CTSK: variants seen among roughly 807,000 people sequenced by gnomAD.
CTSK encodes cathepsin K.
In CTSK, 26 loss-of-function variants were observed where a neutral mutation model predicts 40.5. The observed-to-expected ratio is 0.64, with a 90% confidence interval of 0.47 to 0.89. The LOEUF (loss-of-function observed/expected upper bound fraction) is 0.89. Ranked by LOEUF, CTSK falls within the 40% of genes least tolerant of loss-of-function variation. CTSK has a pLI of 0.00. For synonymous variants in CTSK, 132 were observed against 143.2 expected (o/e 0.92, Z 0.56); for missense variants, 292 against 400.1 (o/e 0.73, Z 2.30).
intron 4 of CTSK, among the ~76,000 whole-genome samples, chr1:150,804,566 C>G (rs1436967908): frequency 6.6e-6 from 1 of 152,150 alleles, no homozygotes; most frequent in African/African-American, 2.4e-5. Flanking sequence ...TTTCTCTATG[C>G]ATAAAATATT....
chr1:150,800,272 A>G (rs1653965915), intron 5 of CTSK, among the ~76,000 whole-genome samples: 1 of 151,992 alleles, frequency 6.6e-6, no homozygotes, highest in South Asian at 2.1e-4. Flanking sequence ...TTTCTGAAAT[A>G]AGATTTTTTT....
intron 4 of CTSK, among the ~76,000 whole-genome samples, chr1:150,805,024 T>G (rs944656518): frequency 1.3e-5 from 2 of 151,616 alleles, no homozygotes; most frequent in Admixed American, 6.6e-5. Flanking sequence ...CCAGCCTGGG[T>G]AGCATGGCAA....
At chr1:150,803,808 T>C (rs906322843) in intron 5 of CTSK, among the ~76,000 whole-genome samples, 1 of 152,208 alleles carries the variant, frequency 6.6e-6, no homozygotes, top group Admixed American at 6.5e-5. Flanking sequence ...TTTCTCTCCA[T>C]GGCAGAGATG....
intron 2 of CTSK, 53 bp downstream of exon 2, chr1:150,806,633 A>G (rs1020217112): frequency 6.8e-6 from 11 of 1,611,296 alleles, no homozygotes; most frequent in Non-Finnish European, 8.5e-6. Context: ...AGCTAAGATG[A>G]GAGAGCTCAG....
intron 4 of CTSK, among the ~76,000 whole-genome samples, chr1:150,805,229 G>C (rs200183027): frequency 1.5e-5 from 2 of 132,588 alleles, no homozygotes; most frequent in African/African-American, 2.8e-5. Flanking sequence ...AAAAAAATTT[G>C]GGGGGGGGGA....
intron 7 of CTSK, among the ~76,000 whole-genome samples, chr1:150,797,995 G>A (rs1653907828): frequency 6.6e-6 from 1 of 152,208 alleles, no homozygotes; most frequent in African/African-American, 2.4e-5. Flanking sequence ...GCGACCCAGA[G>A]TCTAGGGCTC....
At chr1:150,799,414 T>C (rs2101947857) in intron 6 of CTSK, 130 bp downstream of exon 6, 1 of 1,250,452 alleles carries the variant, frequency 8.0e-7, no homozygotes, top group South Asian at 1.2e-5. Flanking sequence ...ACTGCAGCAG[T>C]TGTTAATTTC....
At chr1:150,802,138 C>T (rs1557825360) in intron 5 of CTSK, among the ~76,000 whole-genome samples, 1 of 151,334 alleles carries the variant, frequency 6.6e-6, no homozygotes, top group Non-Finnish European at 1.5e-5. Context: ...ACTAGCCGGG[C>T]GTGGTTGCGG....
intron 4 of CTSK, among the ~76,000 whole-genome samples, chr1:150,805,089 T>C (rs111905669): frequency 0.36 from 53,866 of 151,360 alleles, 9,948 homozygotes; most frequent in South Asian, 0.54. Context: ...TGGCATGTGC[T>C]TCTAATCCCA....
At chr1:150,801,917 A>C (rs904874323) in intron 5 of CTSK, among the ~76,000 whole-genome samples, 1 of 152,128 alleles carries the variant, frequency 6.6e-6, no homozygotes, top group Non-Finnish European at 1.5e-5. Context: ...AATACATAGT[A>C]TTGTATCCAA....
chr1:150,806,401 CA>C lies in CTSK; in HGVS notation c.121-178del, dbSNP rs1654093796. ...AGATAATATGTAAACAAATACAACA[CA>C]AAGCTCTGGAGAGACAGAAAAATTG... On this transcript the variant is annotated intron_variant, in intron 2 of 7. Coordinates refer to ENST00000271651, the MANE Select transcript of CTSK (RefSeq NM_000396.4). Among the ~76,000 whole-genome samples the C allele has an allele frequency of 2.0e-5, 3 of 152,112 alleles. No homozygotes were observed. In the South Asian group the frequency reaches 6.2e-4, roughly 32 times the overall value.
chr1:150,806,879 A>T, intron 1 of CTSK, 73 bp from the exon 2 acceptor site: 1 of 1,569,744 alleles, frequency 6.4e-7, no homozygotes, highest in Non-Finnish European at 8.7e-7. Context: ...CTTTATGAGG[A>T]AGAGAAAGGT....
chr1:150,801,267 C>T (rs1653983492), intron 5 of CTSK, among the ~76,000 whole-genome samples: 1 of 151,736 alleles, frequency 6.6e-6, no homozygotes, highest in Admixed American at 6.6e-5. Context: ...TACAAGCGTG[C>T]GCAATCACAC....
rs1440236412 is a variant in CTSK at position 150,796,323 on chromosome 1, A to G, written c.*476T>C. 5.3e-6 allele frequency: 1 copy of G among 187,076 alleles called. No homozygotes were observed. The highest frequency in any genetic ancestry group is 1.1e-5 in the Non-Finnish European group (1 of 88,522). The allele number at this position is 187,076 out of a possible 1,614,324, so 11.6% of individuals were successfully genotyped here. A position where few individuals can be genotyped will look rare whatever the true frequency, so the allele number is the denominator to read the frequency against. ...TCTTTTTATCATGTAAACTTGTACC[A>G]AAGACTTATGAATAGATTTATGAAT... On this transcript the variant is annotated 3_prime_UTR_variant, in exon 8 of 8. Transcript: ENST00000271651.
Position 150,799,209 on chromosome 1 carries a change from A to G in CTSK, c.849T>C (p.Tyr283=), listed in dbSNP as rs201196853. The G allele has an allele frequency of 3.1e-6, 5 of 1,613,112 alleles. No individual in the cohort carries two copies. The highest frequency in any genetic ancestry group is 4.2e-6 in the Non-Finnish European group (5 of 1,179,024). ...AGTGCTTGTTTCCCTTCTGGATTCC[A>G]TATCCCACTGCCAAAACTGCATGGT... is the stretch of plus-strand genomic sequence containing the variant. The part of the protein sequence containing the change: ...NLNHAVLAVG[Y]GIQKGNKHWI... Residue 283 remains tyrosine, a synonymous_variant, in exon 7 of 8, where the codon TAT becomes TAC. Coordinates refer to ENST00000271651, the MANE Select transcript of CTSK (RefSeq NM_000396.4).
chr1:150,802,911 G>T (rs1451952791), intron 5 of CTSK, among the ~76,000 whole-genome samples: 1 of 152,014 alleles, frequency 6.6e-6, no homozygotes, highest in East Asian at 1.9e-4. Context: ...AAAATAAAAA[G>T]AAAAACAAAT....
intron 5 of CTSK, among the ~76,000 whole-genome samples, chr1:150,802,933 A>G (rs1654020649): frequency 6.6e-6 from 1 of 152,214 alleles, no homozygotes; most frequent in Non-Finnish European, 1.5e-5. Context: ...AGCAAGAGAT[A>G]AAAACAGTTA....
At chr1:150,801,992 A>G (rs1447136785) in intron 5 of CTSK, among the ~76,000 whole-genome samples, 4 of 151,828 alleles carry the variant, frequency 2.6e-5, no homozygotes, top group Admixed American at 2.6e-4. Context: ...AAAAATGAGT[A>G]AGGGGTGGGG....
Position 150,804,161 on chromosome 1 carries a change from AGAGTTT to A in CTSK, c.472_477del (p.Lys158_Leu159del), listed in dbSNP as rs748550606. The A allele has an allele frequency of 6.2e-7, 1 of 1,614,178 alleles. No individual in the cohort carries two copies. On this transcript the variant is annotated inframe_deletion, in exon 5 of 8. Transcript: ENST00000271651. ...ACTAGGTTCTGGGGACTCAGATTTAAGAGTTTGCCAGTTTTCTTCTTGAGTTGGCCC... is the reference window on the plus strand; with the variant it reads ...ACTAGGTTCTGGGGACTCAGATTTAAGCCAGTTTTCTTCTTGAGTTGGCCC...
Sources: allele counts gnomAD v4.1 joint callset (sites outside exome capture counted in the v4.1 genomes callset), GRCh38; gene constraint gnomAD v4.1.1; transcripts MANE v1.5; gene names NCBI Gene and HGNC (gene_info 2026-07-23, HGNC 2026-07-21).